FRMPD4: variants seen among roughly 807,000 people sequenced by gnomAD.
The protein encoded by FRMPD4 is FERM and PDZ domain containing 4, also known as FERM and PDZ domain-containing protein 4.
A neutral mutation model predicts 94.1 loss-of-function variants in FRMPD4; 22 were observed. That is an observed-to-expected ratio of 0.23 (90% CI 0.17 to 0.33). The LOEUF is 0.33. Among genes scored for constraint, FRMPD4 ranks in the 10% least tolerant of loss-of-function variants. The pLI is 1.00. For missense variants in FRMPD4, 1,111 were observed against 1,339.9 expected, an observed-to-expected ratio of 0.83 and a Z score of 2.67; for synonymous variants, 631 against 548.6, an observed-to-expected ratio of 1.15 and a Z score of -2.10.
chrX:12,204,490 C>A (rs1434482691), intron 1 of FRMPD4, among the ~76,000 whole-genome samples: 4 of 111,435 alleles, frequency 3.6e-5, no homozygotes, highest in Admixed American at 9.6e-5. Flanking sequence ...GCTCTCTCCC[C>A]CAGCTTCCCA....
intron 6 of FRMPD4, among the ~76,000 whole-genome samples, chrX:12,685,562 T>TTTG (rs1444591877): frequency 1.2e-5 from 1 of 85,588 alleles, no homozygotes; most frequent in Admixed American, 1.1e-4. Flanking sequence ...AGTTTTGTTT[T>TTTG]TTGTTTTTGT....
At chrX:12,301,961 G>A (rs542458185) in intron 1 of FRMPD4, among the ~76,000 whole-genome samples, 1 of 111,942 alleles carries the variant, frequency 8.9e-6, no homozygotes, top group South Asian at 3.8e-4. Flanking sequence ...GGCTTTTACT[G>A]TCTCCACACA....
chrX:12,445,396 T>C (rs1033169858), intron 1 of FRMPD4, among the ~76,000 whole-genome samples: 12 of 112,089 alleles, frequency 1.1e-4, no homozygotes, highest in African/African-American at 3.9e-4. Flanking sequence ...TAAATAAAAA[T>C]GGAAATTGTG....
At chrX:12,130,477 G>T (rs1181034838) in intron 3 of FRMPD4, among the ~76,000 whole-genome samples, 1 of 111,128 alleles carries the variant, frequency 9.0e-6, no homozygotes, top group Non-Finnish European at 1.9e-5. Flanking sequence ...ACCAATGTCT[G>T]CTACAGCCCT....
chrX:12,337,290 G>A (rs946303572), intron 1 of FRMPD4, among the ~76,000 whole-genome samples: 8 of 111,656 alleles, frequency 7.2e-5, no homozygotes, highest in Admixed American at 6.7e-4. Flanking sequence ...CAAAAATTAA[G>A]TAAAAAAATA....
chrX:12,075,605 A>G (rs59720898), intron 3 of FRMPD4, among the ~76,000 whole-genome samples: 3 of 112,211 alleles, frequency 2.7e-5, no homozygotes, highest in African/African-American at 9.8e-5. Context: ...TGACAGCTGC[A>G]GCAGGTGCCC....
intron 1 of FRMPD4, among the ~76,000 whole-genome samples, chrX:12,418,988 G>A (rs1250075641): frequency 9.0e-6 from 1 of 111,653 alleles, no homozygotes; most frequent in Non-Finnish European, 1.9e-5. Flanking sequence ...CATGTCATGG[G>A]TTATGTTTAT....
intron 3 of FRMPD4, among the ~76,000 whole-genome samples, chrX:12,109,008 G>T (rs770554956): frequency 1.3e-3 from 143 of 111,293 alleles, no homozygotes; most frequent in African/African-American, 4.3e-3. Flanking sequence ...ACATTAGACA[G>T]ATCAATGAGA....
intron 1 of FRMPD4, among the ~76,000 whole-genome samples, chrX:12,216,671 TA>T (rs761686204): frequency 9.0e-6 from 1 of 111,677 alleles, no homozygotes; most frequent in Non-Finnish European, 1.9e-5. Flanking sequence ...TGTCCTGGGC[TA>T]AAAAAAATTT....
upstream of FRMPD4, among the ~76,000 whole-genome samples, chrX:12,138,000 T>A (rs934168806): frequency 1.8e-5 from 2 of 111,371 alleles, no homozygotes; most frequent in Non-Finnish European, 3.8e-5. Context: ...GGAGCAGCTG[T>A]GTTCATCCCC....
chrX:12,241,556 C>T (rs2057129636), intron 1 of FRMPD4, among the ~76,000 whole-genome samples: 1 of 111,554 alleles, frequency 9.0e-6, no homozygotes, highest in African/African-American at 3.3e-5. Flanking sequence ...GAGTGTCAGA[C>T]ATCTTGGGGT....
chrX:12,088,730 A>G (rs376040877), intron 3 of FRMPD4, among the ~76,000 whole-genome samples: 1 of 112,508 alleles, frequency 8.9e-6, no homozygotes, highest in South Asian at 3.7e-4. Flanking sequence ...TGTATAAAAC[A>G]GAAAGCACTA....
chrX:12,383,871 G>C (rs1272702286), intron 1 of FRMPD4, among the ~76,000 whole-genome samples: 1 of 111,637 alleles, frequency 9.0e-6, no homozygotes, highest in African/African-American at 3.3e-5. Context: ...ACGGAGCCTC[G>C]TGTCATGGAA....
At chrX:11,836,244 T>C (rs1406163510) in intron 1 of FRMPD4, among the ~76,000 whole-genome samples, 1 of 111,706 alleles carries the variant, frequency 9.0e-6, no homozygotes, top group Non-Finnish European at 1.9e-5. Context: ...GTGGGTGGTG[T>C]TGGGACCTCT....
chrX:12,195,907 C>G (rs2056561961), intron 1 of FRMPD4, among the ~76,000 whole-genome samples: 1 of 111,876 alleles, frequency 8.9e-6, no homozygotes, highest in Non-Finnish European at 1.9e-5. Flanking sequence ...CCATGTTTTT[C>G]TGGCACCTGG....
intron 4 of FRMPD4, among the ~76,000 whole-genome samples, chrX:12,664,950 G>A (rs1029840158): frequency 5.4e-5 from 6 of 111,452 alleles, no homozygotes; most frequent in African/African-American, 2.0e-4. Context: ...ATGTGTCCAG[G>A]AATTTATCCA....
chrX:12,208,757 A>G (rs1349466033), intron 1 of FRMPD4, among the ~76,000 whole-genome samples: 3 of 111,961 alleles, frequency 2.7e-5, no homozygotes, highest in African/African-American at 9.7e-5. Context: ...TATTTGAACA[A>G]ATTATTTCAG....
At chrX:11,851,951 A>C (rs2053625000) in intron 1 of FRMPD4, among the ~76,000 whole-genome samples, 2 of 33,915 alleles carry the variant, frequency 5.9e-5, no homozygotes, top group Admixed American at 7.7e-4. Context: ...AATATTATAC[A>C]AAAAAAAAAA....
At chrX:11,845,096 T>C (rs750879135) in intron 1 of FRMPD4, among the ~76,000 whole-genome samples, 20 of 112,409 alleles carry the variant, frequency 1.8e-4, no homozygotes, top group African/African-American at 5.5e-4. Context: ...GAGTTATTGA[T>C]ATCATACTTT....
Sources: gnomAD v4.1 joint callset for allele counts (sites outside exome capture counted in the v4.1 genomes callset) on GRCh38, gnomAD v4.1.1 for gene constraint, MANE v1.5 for transcripts, NCBI Gene and HGNC (gene_info 2026-07-23, HGNC 2026-07-21) for gene names.